The following TFEB variants were observed in gnomAD, a reference collection of about 807,000 sequenced individuals.
TFEB encodes the protein transcription factor EB, also known as T-cell transcription factor EB.
A neutral mutation model predicts 48.0 loss-of-function variants in TFEB; 12 were observed. The observed-to-expected ratio is 0.25, with a 90% CI of 0.16 to 0.40. The LOEUF is 0.40. Ranked by LOEUF, TFEB falls within the 10% of genes least tolerant of loss-of-function variation. The pLI is 1.00. For synonymous variants in TFEB, 244 were observed against 261.4 expected (o/e 0.93, Z 0.64); for missense variants, 509 against 640.3 (o/e 0.79, Z 2.21).
Position 41,684,678 on chromosome 6 carries a change from A to C in TFEB, c.1352T>G (p.Leu451Arg). The C allele has an allele frequency of 6.2e-7, 1 of 1,613,396 alleles. No individual in the cohort carries two copies. Among genetic ancestry groups the C allele is most frequent in the Non-Finnish European group, 8.5e-7 (1 of 1,179,774 alleles). ...SLLPLASDPL[L>R]STMSPEASKA... ...GGAGGCCTCGGGGGACATGGTGGACAGAAGTGGATCAGAGGCCAGCGGTAG... is the reference window on the plus strand; with the variant it reads ...GGAGGCCTCGGGGGACATGGTGGACCGAAGTGGATCAGAGGCCAGCGGTAG... The change falls in exon 9 of 9, where the codon CTG (leucine) becomes CGG (arginine). Residue 451 changes from leucine to arginine, a missense_variant. Leu to Arg is a moderately radical substitution (Grantham distance 102). Transcript: ENST00000373033.
At chr6:41,735,037 G>C in intron 1 of TFEB, 1 of 985,354 alleles carries the variant, frequency 1.0e-6, no homozygotes, top group Non-Finnish European at 1.2e-6. Context: ...GCTCCGGGCC[G>C]GGAAGGCCCA....
At chr6:41,721,063 A>C (rs1770958588) in intron 1 of TFEB, among the ~76,000 whole-genome samples, 1 of 146,822 alleles carries the variant, frequency 6.8e-6, no homozygotes, top group Admixed American at 6.8e-5. Context: ...CCCAGGCATC[A>C]CCCCCTCTCA....
chr6:41,690,163 C>T (rs1327702915), intron 3 of TFEB, among the ~76,000 whole-genome samples: 5 of 151,488 alleles, frequency 3.3e-5, no homozygotes, highest in Admixed American at 2.6e-4. Flanking sequence ...AGGAGTCTCA[C>T]TCTGTCGCCC....
At chr6:41,702,256 A>G (rs899244206) in intron 1 of TFEB, among the ~76,000 whole-genome samples, 1 of 152,196 alleles carries the variant, frequency 6.6e-6, no homozygotes. Context: ...AATAGCCAAG[A>G]CATCCATGCC....
At chr6:41,722,363 C>A (rs1275902923) in intron 1 of TFEB, among the ~76,000 whole-genome samples, 1 of 152,220 alleles carries the variant, frequency 6.6e-6, no homozygotes, top group East Asian at 1.9e-4. Context: ...AAAGAAAGGG[C>A]TCCCTGGCCA....
chr6:41,692,068 C>T (rs1769348786), intron 1 of TFEB, among the ~76,000 whole-genome samples: 1 of 152,186 alleles, frequency 6.6e-6, no homozygotes, highest in African/African-American at 2.4e-5. Context: ...TCTAGGACCA[C>T]CCTATTAAAA....
intron 6 of TFEB, 53 bp downstream of exon 6, chr6:41,687,700 C>G: frequency 6.2e-7 from 1 of 1,611,426 alleles, no homozygotes; most frequent in Admixed American, 1.7e-5. Flanking sequence ...TTTAGCCAGC[C>G]CAGGTGAGAA....
chr6:41,695,565 A>G (rs1769533930), intron 1 of TFEB, among the ~76,000 whole-genome samples: 1 of 152,174 alleles, frequency 6.6e-6, no homozygotes, highest in Non-Finnish European at 1.5e-5. Flanking sequence ...TCAAGGTTAC[A>G]CAGCTGATTA....
chr6:41,732,833 C>A, intron 1 of TFEB: 1 of 985,902 alleles, frequency 1.0e-6, no homozygotes, highest in Non-Finnish European at 1.2e-6. Flanking sequence ...CAGAGGAGGC[C>A]AACCCAATTT....
upstream of TFEB, chr6:41,736,166 G>A (rs1172525324): frequency 1.2e-6 from 2 of 1,612,796 alleles, no homozygotes; most frequent in Non-Finnish European, 1.7e-6. Flanking sequence ...TTGCTGTCAT[G>A]TTGCTGGACA....
At chr6:41,705,212 C>T (rs750641853) in intron 1 of TFEB, among the ~76,000 whole-genome samples, 1 of 152,174 alleles carries the variant, frequency 6.6e-6, no homozygotes, top group South Asian at 2.1e-4. Context: ...TGTGGAGGCT[C>T]CCACAGCAGG....
chr6:41,702,911 G>T (rs926952146), intron 1 of TFEB, among the ~76,000 whole-genome samples: 10 of 152,354 alleles, frequency 6.6e-5, no homozygotes, highest in Non-Finnish European at 1.0e-4. Flanking sequence ...GAGGCTGTGT[G>T]GGACCTCTCA....
rs930265945 is a variant in TFEB at position 41,684,906 on chromosome 6, A to G, written c.1124T>C (p.Leu375Pro). The G allele has an allele frequency of 1.3e-6, 2 of 1,571,872 alleles. No individual in the cohort carries two copies. The highest frequency in any genetic ancestry group is 1.8e-5 in the Admixed American group (1 of 55,542). Residue 375 changes from leucine to proline, a missense_variant, in exon 9 of 9, where the codon CTG becomes CCG. Coordinates refer to ENST00000373033, the MANE Select transcript of TFEB (RefSeq NM_001271944.2). ...CAGGGGCAGCGGGGCTTGCGGGGGC[A>G]GAGCTGGCAGTGGCTCAGGGTCAGG... ...EVPDPEPLPA[L>P]PPQAPLPLPT... is the part of the protein sequence containing the mutation.
chr6:41,716,272 T>C (rs1315230748), intron 1 of TFEB, among the ~76,000 whole-genome samples: 2 of 152,166 alleles, frequency 1.3e-5, no homozygotes, highest in Non-Finnish European at 2.9e-5. Context: ...CTCACCCCAG[T>C]GGTACACCCC....
rs1007795108 is a variant in TFEB, at chr6:41,689,327, T to G, written c.549+404A>C. Among the ~76,000 whole-genome samples, 7 of 152,090 alleles carry G rather than the reference T, an allele frequency of 4.6e-5. No individual in the cohort carries two copies. The South Asian group carries it at 1.5e-3, about 32-fold the overall frequency. On this transcript the variant is annotated intron_variant, in intron 4 of 8. Coordinates refer to ENST00000373033, the MANE Select transcript of TFEB (RefSeq NM_001271944.2). ...AGACAGGCTTTTGCCTGTTGGGCCCTGGGTTTGGTAAAGGAGGGGAGGCCC... is the reference window on the plus strand; with the variant it reads ...AGACAGGCTTTTGCCTGTTGGGCCCGGGGTTTGGTAAAGGAGGGGAGGCCC...
At position 41,734,505 on chromosome 6, in the gene TFEB, G is replaced by A; in HGVS notation, c.-23+845C>T. 2.8e-6 allele frequency: 1 copy of A among 351,240 alleles called. No homozygotes were observed. Among genetic ancestry groups the A allele is most frequent in the Non-Finnish European group, 4.0e-6 (1 of 251,388 alleles). 21.8% of individuals were successfully genotyped at this position (351,240 alleles called of 1,614,324 possible). ...AGCTGGTCGGGACAGCCCAGGGGTG[G>A]GCGGCACGGACTCGGGGGATCGGGG... On this transcript the variant is annotated intron_variant, in intron 1 of 8. Transcript: ENST00000373033. The surrounding 1 kb of genome is among the most constrained non-coding windows in gnomAD (Gnocchi z 4.0).
chr6:41,703,335 A>C (rs1770035347), intron 1 of TFEB, among the ~76,000 whole-genome samples: 1 of 151,920 alleles, frequency 6.6e-6, no homozygotes, highest in South Asian at 2.1e-4. Flanking sequence ...AGTTCTAATA[A>C]TGGCTCTCAG....
intron 1 of TFEB, among the ~76,000 whole-genome samples, chr6:41,715,548 T>C (rs1287327475): frequency 6.6e-6 from 1 of 151,932 alleles, no homozygotes; most frequent in East Asian, 1.9e-4. Context: ...CGGATGCCTG[T>C]AATCCCAGCT....
chr6:41,690,217 G>A (rs1046316810), intron 3 of TFEB, among the ~76,000 whole-genome samples: 2 of 151,202 alleles, frequency 1.3e-5, no homozygotes, highest in African/African-American at 2.4e-5. Context: ...TGCAACTTCC[G>A]CCTTCCCGAT....
Sources: gnomAD v4.1 joint callset for allele counts (sites outside exome capture counted in the v4.1 genomes callset) on GRCh38, gnomAD v4.1.1 for gene constraint, Gnocchi (gnomAD v3.1) non-coding constraint, MANE v1.5 for transcripts, NCBI Gene and HGNC (gene_info 2026-07-23, HGNC 2026-07-21) for gene names.